MYCBP2: variants seen among roughly 807,000 people sequenced by gnomAD.
MYCBP2 encodes the protein MYC binding protein 2, also known as E3 ubiquitin-protein ligase MYCBP2.
A neutral mutation model predicts 525.3 loss-of-function variants in MYCBP2; 120 were observed. The observed-to-expected ratio is 0.23, with a 90% CI of 0.20 to 0.27. MYCBP2 has a LOEUF of 0.27. MYCBP2 is among the 10% of genes least tolerant of loss of function. The pLI, the probability that MYCBP2 is intolerant of heterozygous loss-of-function variation, is 1.00. For missense variants in MYCBP2, 4,149 were observed against 5,657.1 expected, an observed-to-expected ratio of 0.73 and a Z score of 8.55; for synonymous variants, 1,894 against 1,955.8, an observed-to-expected ratio of 0.97 and a Z score of 0.83.
chr13:77,052,307 G>A (rs774456272), intron 80 of MYCBP2, among the ~76,000 whole-genome samples: 5 of 152,028 alleles, frequency 3.3e-5, no homozygotes, highest in African/African-American at 7.2e-5. Flanking sequence ...CAGGCGATCC[G>A]CCCAACTCAG....
chr13:77,150,717 T>C lies in MYCBP2; in HGVS notation c.7131+17A>G. ...ATGCTGAAAACTAAAATTTTTCTGA[T>C]AAGTAAAATAAATTACCTTCATCAT... On this transcript the variant is annotated intron_variant, in intron 47 of 82. Coordinates refer to ENST00000544440, the MANE Select transcript of MYCBP2 (RefSeq NM_015057.5). 6.3e-7 allele frequency: 1 copy of C among 1,599,884 alleles called. No homozygotes were observed. The highest frequency in any genetic ancestry group is 1.3e-5 in the African/African-American group (1 of 74,450).
chr13:77,180,403 ACT>A, intron 33 of MYCBP2, 85 bp from the exon 34 acceptor site: 2 of 1,171,100 alleles, frequency 1.7e-6, no homozygotes, highest in Non-Finnish European at 2.4e-6. Flanking sequence ...TCTTTCTGAT[ACT>A]CTTAAAATTC....
intron 46 of MYCBP2, among the ~76,000 whole-genome samples, chr13:77,153,141 C>A (rs2056747998): frequency 6.6e-6 from 1 of 151,144 alleles, no homozygotes; most frequent in Admixed American, 6.6e-5. Context: ...TGACCTGATT[C>A]TTCCTGAATG....
At chr13:77,234,987 G>A (rs1417819891) in intron 17 of MYCBP2, among the ~76,000 whole-genome samples, 1 of 151,936 alleles carries the variant, frequency 6.6e-6, no homozygotes, top group African/African-American at 2.4e-5. Flanking sequence ...AGAAGGCACG[G>A]GGGCAATCAT....
chr13:77,233,877 C>A (rs962130338), intron 17 of MYCBP2, among the ~76,000 whole-genome samples: 2 of 145,556 alleles, frequency 1.4e-5, no homozygotes, highest in South Asian at 2.2e-4. Context: ...AGAGAGAGAA[C>A]GAGAGAGAGA....
At chr13:77,225,356 A>G in intron 19 of MYCBP2, 79 bp downstream of exon 19, 2 of 1,573,698 alleles carry the variant, frequency 1.3e-6, no homozygotes, top group South Asian at 1.1e-5. Context: ...TTAACAGGCT[A>G]TGTTCATCAA....
intron 1 of MYCBP2, among the ~76,000 whole-genome samples, chr13:77,318,162 T>C (rs2154380759): frequency 6.6e-6 from 1 of 152,304 alleles, no homozygotes; most frequent in East Asian, 1.9e-4. Context: ...TCCTTTCCAC[T>C]GTATAAGGAC....
At chr13:77,234,546 A>G (rs544101642) in intron 17 of MYCBP2, among the ~76,000 whole-genome samples, 8 of 151,980 alleles carry the variant, frequency 5.3e-5, no homozygotes, top group Non-Finnish European at 1.0e-4. Flanking sequence ...TGTATGAAAA[A>G]CCATGAATAA....
intron 2 of MYCBP2, among the ~76,000 whole-genome samples, chr13:77,291,202 ATT>A (rs1336933773): frequency 1.3e-5 from 2 of 152,206 alleles, no homozygotes; most frequent in East Asian, 3.8e-4. Context: ...GAAGAAGACA[ATT>A]ACAAAAATAA....
intron 73 of MYCBP2, among the ~76,000 whole-genome samples, chr13:77,064,340 G>A (rs1306146959): frequency 1.3e-5 from 2 of 152,138 alleles, no homozygotes; most frequent in African/African-American, 2.4e-5. Flanking sequence ...AAGACAACAC[G>A]CAAACAATGT....
chr13:77,062,200 C>T lies in MYCBP2; in HGVS notation c.12774+396G>A, dbSNP rs2039415242. 1.3e-5 allele frequency among the ~76,000 whole-genome samples: 2 copies of T among 152,184 alleles called. 1 individual carries two copies. The highest frequency in any genetic ancestry group is 4.1e-4 in the South Asian group (2 of 4,834). The stretch of plus-strand genomic sequence containing the variant: ...AACTTAAAGATACCCATCAAACCTA[C>T]TTAAGTATATATGTGAACAGGTGGT... On this transcript the variant is annotated intron_variant, in intron 74 of 82. Coordinates refer to ENST00000544440, the MANE Select transcript of MYCBP2 (RefSeq NM_015057.5).
At position 77,251,155 on chromosome 13, in the gene MYCBP2, C is replaced by T. The variant is rs2071150631; in HGVS notation, c.2377G>A (p.Gly793Arg). ...GTAGGAATCATTGTCTCTTACCCTC[C>T]GGGGACTCTGTCTGGCCGTCCACTA... is the stretch of plus-strand genomic sequence containing the variant. ...VSSGRPDRVP[G>R]GICGCGSGES... Residue 793 changes from glycine to arginine, a missense_variant, in exon 15 of 83, where the codon GGA becomes AGA. Physicochemically the swap from Gly to Arg is moderately radical, Grantham distance 125. This residue lies in a region of MYCBP2 where 620 missense variants were observed against 795.5 expected (regional missense o/e 0.78). Coordinates refer to ENST00000544440, the MANE Select transcript of MYCBP2 (RefSeq NM_015057.5). The T allele has an allele frequency of 1.2e-6, 2 of 1,613,734 alleles. No homozygotes were observed. The highest frequency in any genetic ancestry group is 1.1e-5 in the South Asian group (1 of 91,046).
chr13:77,301,415 TC>T (rs368713277), intron 1 of MYCBP2, among the ~76,000 whole-genome samples: 1,072 of 93,874 alleles, frequency 0.011, 15 homozygotes, highest in African/African-American at 0.048. Context: ...AGAGCAAGAC[TC>T]CATCTCAAAA....
At position 77,273,543 on chromosome 13, in the gene MYCBP2, T is replaced by C. The variant is rs2075151028; in HGVS notation, c.874A>G (p.Thr292Ala). The change falls in exon 5 of 83, where the codon ACA becomes GCA. Residue 292 changes from threonine to alanine, a missense_variant. Thr to Ala is a moderately conservative substitution (Grantham distance 58, BLOSUM62 0). Transcript: ENST00000544440. ...GAGATGGCCTGAAGTGTCCTTCCTG[T>C]TTCTCCCCAAGAAGCCACCAGACTA... Reference protein sequence around the residue: ...LFSLVASWGETGRTLQAISAI... With the variant: ...LFSLVASWGEAGRTLQAISAI... 1.9e-6 allele frequency: 3 copies of C among 1,613,480 alleles called. No homozygotes were observed. Among genetic ancestry groups the C allele is most frequent in the Admixed American group, 1.7e-5 (1 of 59,874 alleles).
At chr13:77,049,073 C>A (rs1414694614) in intron 82 of MYCBP2, among the ~76,000 whole-genome samples, 1 of 152,086 alleles carries the variant, frequency 6.6e-6, no homozygotes, top group African/African-American at 2.4e-5. Flanking sequence ...TCTTTCCAGA[C>A]CACAACCTAC....
intron 38 of MYCBP2, 35 bp downstream of exon 38, chr13:77,171,457 C>T: frequency 6.3e-7 from 1 of 1,593,044 alleles, no homozygotes; most frequent in South Asian, 1.1e-5. Context: ...AATAAAGAAT[C>T]TAAAATATGA....
Position 77,171,732 on chromosome 13 carries a change from A to G in MYCBP2, c.5652-98T>C, listed in dbSNP as rs141401592. 766 of 1,200,600 alleles carry G rather than the reference A, an allele frequency of 6.4e-4. 10 individuals carry two copies. In the East Asian group the frequency reaches 0.012, roughly 19 times the overall value. The allele number at this position is 1,200,600 out of a possible 1,614,324, so 74.4% of individuals were successfully genotyped here. On this transcript the variant is annotated intron_variant, in intron 37 of 82. Transcript: ENST00000544440. ...TAGATCTGAGATCCTCATTTAATTT[A>G]TAGCTTTTTAAAAGTTAAAAAAGTA...
intron 1 of MYCBP2, among the ~76,000 whole-genome samples, chr13:77,314,923 C>T (rs2080747641): frequency 6.6e-6 from 1 of 151,838 alleles, no homozygotes; most frequent in Non-Finnish European, 1.5e-5. Flanking sequence ...TAAAACTGCT[C>T]TTAAAAAAAT....
In MYCBP2 at chr13:77,172,999, G is replaced by C. The variant is rs117935000; in HGVS notation, c.5651+1312C>G. Among the ~76,000 whole-genome samples the C allele has an allele frequency of 7.4e-4, 113 of 152,248 alleles. 2 individuals are homozygous for C. The East Asian group carries it at 0.021, about 28-fold the overall frequency. On this transcript the variant is annotated intron_variant, in intron 37 of 82. Transcript: ENST00000544440. ...TGTGAGGACAAGGTGAAATAACACA[G>C]GTAACATACTCAAAGCATGTCCTGG...
Sources: allele counts gnomAD v4.1 joint callset (sites outside exome capture counted in the v4.1 genomes callset), GRCh38; gene constraint gnomAD v4.1.1; regional missense constraint gnomAD v4.1.1; transcripts MANE v1.5; gene names NCBI Gene and HGNC (gene_info 2026-07-23, HGNC 2026-07-21).